Variants in RNF213 observed in about 807,000 individuals in gnomAD.
The protein encoded by RNF213 is ring finger protein 213, also known as E3 ubiquitin-protein ligase RNF213.
Under a neutral mutation model 514.4 loss-of-function variants are expected in RNF213, and 341 were observed. That is an observed-to-expected ratio of 0.66 (90% CI 0.61 to 0.73). The LOEUF (loss-of-function observed/expected upper bound fraction) is 0.73. RNF213 is among the 30% of genes least tolerant of loss of function. RNF213 has a pLI of 0.00. For synonymous variants in RNF213, 2,655 were observed against 2,658.2 expected (o/e 1.00, Z 0.04); for missense variants, 5,767 against 6,615.6 (o/e 0.87, Z 4.45).
intron 20 of RNF213, among the ~76,000 whole-genome samples, chr17:80,330,536 C>T (rs561485283): frequency 2.6e-5 from 4 of 152,288 alleles, no homozygotes; most frequent in East Asian, 1.9e-4. Flanking sequence ...TCCCATGGCC[C>T]GTGTTCTCAG....
chr17:80,376,301 C>A lies in RNF213; in HGVS notation c.13186C>A (p.Gln4396Lys). The A allele has an allele frequency of 1.2e-6, 2 of 1,614,140 alleles. No homozygotes were observed. The highest frequency in any genetic ancestry group is 1.7e-6 in the Non-Finnish European group (2 of 1,180,002). ...HNASLHPTPE[Q>K]CEAVSKFIGE... The stretch of plus-strand genomic sequence containing the variant: ...TAATGTTAAGTTTTTTTCCTGTCAG[C>A]AATGTGAAGCTGTGAGCAAATTCAT... Residue 4396 changes from glutamine (Q) to lysine (K), a missense_variant and splice_region_variant, in exon 52 of 68, where the codon CAA becomes AAA. Around this residue, in one of 13 missense-constraint regions of RNF213, gnomAD observed 1,245 missense variants for 1,339.0 expected, o/e 0.93. Transcript: ENST00000582970.
At position 80,264,984 on chromosome 17, in the gene RNF213, A is replaced by G. The variant is rs2043558591; in HGVS notation, c.97+1206A>G. On this transcript the variant is annotated intron_variant, in intron 2 of 67. Transcript: ENST00000582970. This position sits in a 1 kb window ranked among gnomAD's most constrained non-coding sequence, Gnocchi z 5.0. ...TTCAGTCTTTGCCCAGCTGCTCGCC[A>G]TGGGGTCTCTCCGATGTTGTCCTTC... Among the ~76,000 whole-genome samples, 2 of 149,576 alleles carry G rather than the reference A, an allele frequency of 1.3e-5. No individual in the cohort carries two copies.
At chr17:80,273,029 C>T (rs914973738) in intron 2 of RNF213, among the ~76,000 whole-genome samples, 1 of 152,092 alleles carries the variant, frequency 6.6e-6, no homozygotes, top group Non-Finnish European at 1.5e-5. Context: ...CTGTCTGATT[C>T]ACCCCTTGTT....
intron 3 of RNF213, among the ~76,000 whole-genome samples, chr17:80,279,927 C>CT (rs1763516999): frequency 6.6e-6 from 1 of 152,166 alleles, no homozygotes; most frequent in Non-Finnish European, 1.5e-5. Flanking sequence ...AAGTTTATTA[C>CT]TTTTTTGCAG....
intron 11 of RNF213, among the ~76,000 whole-genome samples, chr17:80,302,929 T>C (rs1339977222): frequency 6.6e-6 from 1 of 152,230 alleles, no homozygotes; most frequent in Non-Finnish European, 1.5e-5. Context: ...GGTTATTTAA[T>C]AGAACAGTCA....
At chr17:80,294,124 A>C (rs535905847) in intron 8 of RNF213, among the ~76,000 whole-genome samples, 1 of 151,980 alleles carries the variant, frequency 6.6e-6, no homozygotes, top group African/African-American at 2.4e-5. Context: ...TTTACAGTCA[A>C]CCTCACTGGG....
chr17:80,312,996 T>C lies in RNF213; in HGVS notation c.2656-16T>C. ...ACAGCCGAGGATGACTGACCCTCCC[T>C]CTTGTGTGACAACAGGATTCTGCAG... is the stretch of plus-strand genomic sequence containing the variant. On this transcript the variant is annotated splice_polypyrimidine_tract_variant and intron_variant, in intron 14 of 67. Transcript: ENST00000582970. 1 of 1,613,658 alleles carries C rather than the reference T, an allele frequency of 6.2e-7. No individual in the cohort carries two copies. The highest frequency in any genetic ancestry group is 8.5e-7 in the Non-Finnish European group (1 of 1,180,000).
Position 80,263,792 on chromosome 17 carries a change from G to C in RNF213, c.97+14G>C, listed in dbSNP as rs752796426. On this transcript the variant is annotated intron_variant, in intron 2 of 67. Transcript: ENST00000582970. This position sits in a 1 kb window ranked among gnomAD's most constrained non-coding sequence, Gnocchi z 4.9. ...CCCCCATAGCAGGTGAGGCCCAGGG[G>C]TGCTGGTGGAGGCTGGGGCAGTGGG... 4.3e-6 allele frequency: 7 copies of C among 1,612,120 alleles called. No individual in the cohort carries two copies.
intron 67 of RNF213, among the ~76,000 whole-genome samples, chr17:80,392,624 C>G (rs2080521952): frequency 6.6e-6 from 1 of 151,348 alleles, no homozygotes; most frequent in African/African-American, 2.4e-5. Context: ...TTTTCTCGCT[C>G]TGTCGCCCAG....
At chr17:80,334,757 G>A (rs1347082540) in intron 22 of RNF213, among the ~76,000 whole-genome samples, 1 of 151,832 alleles carries the variant, frequency 6.6e-6, no homozygotes, top group Non-Finnish European at 1.5e-5. Flanking sequence ...CTCCCGAGTA[G>A]CTGGGACTAC....
At chr17:80,375,013 T>C in intron 50 of RNF213, 1 of 208,724 alleles carries the variant, frequency 4.8e-6, no homozygotes, top group South Asian at 7.5e-5. Flanking sequence ...TGGTGTAGTG[T>C]GGGAAGTTAA....
chr17:80,322,923 T>C (rs2046185050), intron 17 of RNF213, among the ~76,000 whole-genome samples: 1 of 152,240 alleles, frequency 6.6e-6, no homozygotes, highest in Admixed American at 6.5e-5. Context: ...TTGTTGCTTG[T>C]ACTTTTGGTG....
chr17:80,369,782 AC>A lies in RNF213; in HGVS notation c.12341del (p.Thr4114LysfsTer20). On this transcript the variant is annotated frameshift_variant, in exon 46 of 68. Coordinates refer to ENST00000582970, the MANE Select transcript of RNF213 (RefSeq NM_001256071.3). LOFTEE classifies it high-confidence loss of function. ...RDAAQRHCEH[T>X]KSLSPFNDVV... ...TCTGGTTTAAGGACACTGTGAACAC[AC>A]AAAATCTCTCTCTCCATTCAATGAT... 6.2e-7 allele frequency: 1 copy of A among 1,613,944 alleles called. No individual in the cohort carries two copies. Among genetic ancestry groups the A allele is most frequent in the East Asian group, 2.2e-5 (1 of 44,892 alleles).
In RNF213 at chr17:80,369,892, T is replaced by G. The variant is rs758827271; in HGVS notation, c.12425+25T>G. On this transcript the variant is annotated intron_variant, in intron 46 of 67. Coordinates refer to ENST00000582970, the MANE Select transcript of RNF213 (RefSeq NM_001256071.3). ...GGTAAGAACAACATGGAGACTTGCT[T>G]CTGGAAAGCCCTGGCTTTTTCTCTT... The G allele has an allele frequency of 3.3e-6, 5 of 1,502,404 alleles. No homozygotes were observed. In the South Asian group the frequency reaches 5.6e-5, roughly 17 times the overall value. 93.1% of individuals were successfully genotyped at this position (1,502,404 alleles called of 1,614,324 possible). A position where few individuals can be genotyped will look rare whatever the true frequency, so the allele number is the denominator to read the frequency against.
rs1348481626 is a variant in RNF213, at chr17:80,263,626, C to G, written c.-56C>G. 5 of 1,391,982 alleles carry G rather than the reference C, an allele frequency of 3.6e-6. No individual in the cohort carries two copies. In the African/African-American group the frequency reaches 7.1e-5, roughly 20 times the overall value. The allele number at this position is 1,391,982 out of a possible 1,614,324, so 86.2% of individuals were successfully genotyped here. A position where few individuals can be genotyped will look rare whatever the true frequency, so the allele number is the denominator to read the frequency against. ...GACAGGACATGTAGTATATAGCAGGCTGCCAGCGACTCCTGCTCTTGCTTC... is the reference window on the plus strand; with the variant it reads ...GACAGGACATGTAGTATATAGCAGGGTGCCAGCGACTCCTGCTCTTGCTTC... On this transcript the variant is annotated 5_prime_UTR_variant, in exon 2 of 68. Transcript: ENST00000582970. The surrounding 1 kb of genome is among the most constrained non-coding windows in gnomAD (Gnocchi z 4.9).
Position 80,273,373 on chromosome 17 carries a change from C to G in RNF213, c.230C>G (p.Pro77Arg), listed in dbSNP as rs1422486020. 1.9e-6 allele frequency: 3 copies of G among 1,613,168 alleles called. No homozygotes were observed. The highest frequency in any genetic ancestry group is 2.5e-6 in the Non-Finnish European group (3 of 1,179,974). The part of the protein sequence containing the change: ...SDSWQENPEE[P>R]CSKASWTVQE... ...AGTTGGCAAGAAAACCCCGAGGAGC[C>G]CTGTTCCAAAGCCTCCTGGACCGTC... is the stretch of plus-strand genomic sequence containing the variant. Residue 77 changes from proline to arginine, a missense_variant, in exon 3 of 68, where the codon CCC (proline) becomes CGC (arginine). Pro to Arg is a moderately radical substitution (Grantham distance 103, BLOSUM62 -2). This residue lies in a region of RNF213 where 509 missense variants were observed against 496.7 expected (regional missense o/e 1.02). Coordinates refer to ENST00000582970, the MANE Select transcript of RNF213 (RefSeq NM_001256071.3).
intron 54 of RNF213, 81 bp from the exon 55 acceptor site, chr17:80,379,539 A>AG: frequency 8.0e-7 from 1 of 1,250,478 alleles, no homozygotes; most frequent in Non-Finnish European, 1.2e-6. Flanking sequence ...GGTGATAAGG[A>AG]GGTGTTCATT....
chr17:80,313,465 GAT>G (rs2045641546), intron 15 of RNF213, among the ~76,000 whole-genome samples: 1 of 17,242 alleles, frequency 5.8e-5, no homozygotes. Context: ...TGGTAGAGGT[GAT>G]GGTGGTGGAG....
At position 80,363,765 on chromosome 17, in the gene RNF213, GC is replaced by G. The variant is rs1568136619; in HGVS notation, c.11728del (p.Gln3910ArgfsTer26). The G allele has an allele frequency of 6.2e-7, 1 of 1,613,540 alleles. No individual in the cohort carries two copies. The highest frequency in any genetic ancestry group is 1.1e-5 in the South Asian group (1 of 91,046). ...DEHMQGSGSL[A>X]QAVIREVRAQ... ...GCACATGCAAGGCAGCGGGAGCCTGGCCCAGGCTGTCATCAGGGAAGTCAGG... is the reference window on the plus strand; with the variant it reads ...GCACATGCAAGGCAGCGGGAGCCTGGCCAGGCTGTCATCAGGGAAGTCAGG... On this transcript the variant is annotated frameshift_variant, in exon 41 of 68. Coordinates refer to ENST00000582970, the MANE Select transcript of RNF213 (RefSeq NM_001256071.3). LOFTEE classifies it high-confidence loss of function.
Sources: allele counts gnomAD v4.1 joint callset (sites outside exome capture counted in the v4.1 genomes callset), GRCh38; gene constraint gnomAD v4.1.1; regional missense constraint gnomAD v4.1.1; non-coding constraint Gnocchi (gnomAD v3.1); transcripts MANE v1.5; gene names NCBI Gene and HGNC (gene_info 2026-07-23, HGNC 2026-07-21).